ADAM10: variants seen among roughly 807,000 people sequenced by gnomAD.
ADAM10 encodes ADAM metallopeptidase domain 10, also known as disintegrin and metalloproteinase domain-containing protein 10.
Under a neutral mutation model 90.1 loss-of-function variants are expected in ADAM10, and 17 were observed. That is an observed-to-expected ratio of 0.19 (90% CI 0.13 to 0.28). The LOEUF (loss-of-function observed/expected upper bound fraction) is 0.28, where lower values mean the gene tolerates loss of function less well. Among genes scored for constraint, ADAM10 ranks in the 10% least tolerant of loss-of-function variants. ADAM10 has a pLI of 1.00. For missense variants in ADAM10, 610 were observed against 914.3 expected (o/e 0.67, Z 4.29); for synonymous variants, 310 against 298.6 (o/e 1.04, Z -0.40).
chr15:58,716,371 T>A (rs1319424516), intron 2 of ADAM10, among the ~76,000 whole-genome samples: 1 of 152,166 alleles, frequency 6.6e-6, no homozygotes, highest in African/African-American at 2.4e-5. Context: ...ATGATGCCAA[T>A]GATTCAGATA....
At chr15:58,716,641 C>T (rs1898667530) in intron 2 of ADAM10, among the ~76,000 whole-genome samples, 1 of 152,132 alleles carries the variant, frequency 6.6e-6, no homozygotes, top group African/African-American at 2.4e-5. Context: ...GGCTAACAAT[C>T]ATTAATTGAA....
intron 11 of ADAM10, among the ~76,000 whole-genome samples, chr15:58,620,919 C>A (rs1336592504): frequency 4.8e-5 from 2 of 41,530 alleles, no homozygotes; most frequent in African/African-American, 7.4e-4. Flanking sequence ...CCACCCGCCT[C>A]GGCCTCCCAA....
At chr15:58,742,675 G>T in intron 1 of ADAM10, among the ~76,000 whole-genome samples, 1 of 152,196 alleles carries the variant, frequency 6.6e-6, no homozygotes, top group Non-Finnish European at 1.5e-5. Flanking sequence ...AAGTGGTAGG[G>T]TTATTATAGT....
chr15:58,655,695 A>AGT (rs1566982234), intron 5 of ADAM10, among the ~76,000 whole-genome samples: 5 of 68,576 alleles, frequency 7.3e-5, no homozygotes, highest in South Asian at 5.9e-4. Context: ...TATTATATAT[A>AGT]GTATATATAT....
At chr15:58,709,018 TA>T (rs1898391294) in intron 2 of ADAM10, among the ~76,000 whole-genome samples, 2 of 152,348 alleles carry the variant, frequency 1.3e-5, no homozygotes, top group South Asian at 4.1e-4. Flanking sequence ...AGTTTAAAGC[TA>T]TTACACTATA....
rs964981359 is a variant in ADAM10 at position 58,749,648 on chromosome 15, T to G, written c.-114A>C. The G allele has an allele frequency of 6.6e-7, 1 of 1,513,532 alleles. No homozygotes were observed. The highest frequency in any genetic ancestry group is 1.4e-5 in the African/African-American group (1 of 71,308). The allele number at this position is 1,513,532 out of a possible 1,614,324, so 93.8% of individuals were successfully genotyped here. ...GGAGCCTCCACGGGAAGCCGGGACC[T>G]CCCCTGGCAGGAGAAACGGCGAAGC... is the stretch of plus-strand genomic sequence containing the variant. On this transcript the variant is annotated 5_prime_UTR_variant, in exon 1 of 16. Coordinates refer to ENST00000260408, the MANE Select transcript of ADAM10 (RefSeq NM_001110.4).
At chr15:58,733,478 G>T (rs951468866) in intron 1 of ADAM10, among the ~76,000 whole-genome samples, 1 of 152,172 alleles carries the variant, frequency 6.6e-6, no homozygotes, top group Non-Finnish European at 1.5e-5. Context: ...TCCTGGAACT[G>T]CCTGCCTCAT....
intron 2 of ADAM10, among the ~76,000 whole-genome samples, chr15:58,683,703 T>C (rs1168212152): frequency 2.6e-5 from 4 of 151,398 alleles, no homozygotes; most frequent in South Asian, 2.1e-4. Context: ...CTACTAAAAA[T>C]ACAAAAACTA....
intron 6 of ADAM10, among the ~76,000 whole-genome samples, chr15:58,644,198 T>G (rs1026853821): frequency 2.0e-5 from 3 of 151,656 alleles, no homozygotes; most frequent in Admixed American, 1.3e-4. Context: ...ACAATAAACA[T>G]GCATACTTCT....
intron 5 of ADAM10, among the ~76,000 whole-genome samples, chr15:58,656,204 CA>C (rs1461890491): frequency 6.6e-6 from 1 of 152,112 alleles, no homozygotes; most frequent in East Asian, 1.9e-4. Context: ...TGTATCTTTA[CA>C]GGTAAAATGT....
At chr15:58,696,701 G>A (rs994071434) in intron 2 of ADAM10, among the ~76,000 whole-genome samples, 2 of 151,986 alleles carry the variant, frequency 1.3e-5, no homozygotes, top group Non-Finnish European at 2.9e-5. Flanking sequence ...CTGACCTCAG[G>A]TGATCCACCC....
chr15:58,658,145 AG>A (rs1185388316), intron 5 of ADAM10, among the ~76,000 whole-genome samples: 2 of 152,196 alleles, frequency 1.3e-5, no homozygotes, highest in East Asian at 3.9e-4. Context: ...TTTTAGTTTT[AG>A]CTTTGGCATA....
chr15:58,589,141 A>C lies in ADAM10; in HGVS notation c.*8406T>G, dbSNP rs1894774514. Reference sequence around the variant, plus strand: ...TCATTGCCTATTTACAAAGCACACAACAAAACAAATGTTTATTGAACACCT... The same window carrying C: ...TCATTGCCTATTTACAAAGCACACACCAAAACAAATGTTTATTGAACACCT... On this transcript the variant is annotated 3_prime_UTR_variant, in exon 16 of 16. Transcript: ENST00000260408. The C allele has an allele frequency of 6.6e-6, 1 of 152,236 alleles. No individual in the cohort carries two copies. The highest frequency in any genetic ancestry group is 1.5e-5 in the Non-Finnish European group (1 of 68,040). 9.4% of individuals were successfully genotyped at this position (152,236 alleles called of 1,614,324 possible).
At chr15:58,634,204 G>A (rs1489849497) in intron 8 of ADAM10, among the ~76,000 whole-genome samples, 1 of 151,304 alleles carries the variant, frequency 6.6e-6, no homozygotes, top group African/African-American at 2.4e-5. Context: ...CCAGCTACTC[G>A]GGCAGGAGAA....
chr15:58,671,701 C>T (rs550183005), intron 4 of ADAM10, among the ~76,000 whole-genome samples: 10 of 152,050 alleles, frequency 6.6e-5, no homozygotes, highest in South Asian at 2.1e-4. Context: ...AGTGAGACCT[C>T]GTCTCTATTA....
intron 10 of ADAM10, among the ~76,000 whole-genome samples, chr15:58,626,098 C>T (rs1233109854): frequency 2.0e-5 from 3 of 151,076 alleles, no homozygotes; most frequent in African/African-American, 7.3e-5. Context: ...CATAAATCTA[C>T]GCATGTAATA....
chr15:58,589,694 T>C lies in ADAM10; in HGVS notation c.*7853A>G, dbSNP rs1324529813. ...TGGCTTAGATGAGGCAGGATTATAT[T>C]GTAATATGGTGTGTGCTATGAGAGA... On this transcript the variant is annotated 3_prime_UTR_variant, in exon 16 of 16. Coordinates refer to ENST00000260408, the MANE Select transcript of ADAM10 (RefSeq NM_001110.4). 1.3e-5 allele frequency: 2 copies of C among 152,214 alleles called. No homozygotes were observed. Among genetic ancestry groups the C allele is most frequent in the African/African-American group, 4.8e-5 (2 of 41,452 alleles). The allele number at this position is 152,214 out of a possible 1,614,324, so 9.4% of individuals were successfully genotyped here.
chr15:58,602,744 C>T (rs1174647224), intron 14 of ADAM10, among the ~76,000 whole-genome samples: 4 of 152,102 alleles, frequency 2.6e-5, no homozygotes, highest in Non-Finnish European at 5.9e-5. Flanking sequence ...ACAGAAGAGT[C>T]CCACAGACAC....
chr15:58,736,694 T>C (rs1302870377), intron 1 of ADAM10, among the ~76,000 whole-genome samples: 2 of 152,058 alleles, frequency 1.3e-5, no homozygotes, highest in African/African-American at 4.8e-5. Context: ...TATTAACTAC[T>C]AGCATACCTG....
Sources: allele counts gnomAD v4.1 joint callset (sites outside exome capture counted in the v4.1 genomes callset), GRCh38; gene constraint gnomAD v4.1.1; transcripts MANE v1.5; gene names NCBI Gene and HGNC (gene_info 2026-07-23, HGNC 2026-07-21).